Variants in CACHD1 observed in about 807,000 individuals in gnomAD.
CACHD1 encodes the protein VWFA and cache domain-containing protein 1.
Under a neutral mutation model 138.7 loss-of-function variants are expected in CACHD1, and 71 were observed. The ratio of observed to expected loss-of-function variants is 0.51; its 90% CI spans 0.42 to 0.62. CACHD1 has a LOEUF of 0.62. Ranked by LOEUF, CACHD1 falls within the 20% of genes least tolerant of loss-of-function variation. CACHD1 has a pLI of 0.00. For missense variants in CACHD1, 1,389 were observed against 1,625.3 expected (o/e 0.85, Z 2.50); for synonymous variants, 578 against 591.5 (o/e 0.98, Z 0.33).
chr1:64,565,033 G>A (rs1221158967), intron 2 of CACHD1, among the ~76,000 whole-genome samples: 2 of 150,146 alleles, frequency 1.3e-5, no homozygotes, highest in Admixed American at 1.3e-4. Context: ...ATATTTCCAG[G>A]ATCTGGATTT....
At position 64,640,731 on chromosome 1, in the gene CACHD1, ACT is replaced by A. The variant is rs1259111589; in HGVS notation, c.1007-1085_1007-1084del. ...CACACACACACACACACACACACAC[ACT>A]CTCAACATTATATATATATATATAT... On this transcript the variant is annotated intron_variant, in intron 7 of 26. Transcript: ENST00000651257. 4.1e-5 allele frequency among the ~76,000 whole-genome samples: 5 copies of A among 121,170 alleles called. No homozygotes were observed. The East Asian group carries it at 9.3e-4, about 22-fold the overall frequency. 79.5% of individuals were successfully genotyped at this position (121,170 alleles called of 152,430 possible).
chr1:64,505,400 G>A (rs926636252), intron 1 of CACHD1, among the ~76,000 whole-genome samples: 12 of 152,046 alleles, frequency 7.9e-5, no homozygotes, highest in Non-Finnish European at 1.5e-4. Context: ...GGAGGGGAGG[G>A]GACATTCCTC....
intron 26 of CACHD1, 62 bp downstream of exon 26, chr1:64,682,168 G>C: frequency 7.2e-7 from 1 of 1,389,806 alleles, no homozygotes; most frequent in Non-Finnish European, 1.0e-6. Context: ...GTGGGATGAT[G>C]CTCACACCCT....
intron 26 of CACHD1, 50 bp from the exon 27 acceptor site, chr1:64,691,273 G>C (rs367830375): frequency 5.2e-5 from 81 of 1,549,644 alleles, no homozygotes; most frequent in Non-Finnish European, 6.9e-5. Context: ...GAAATCTTCT[G>C]TCTGCGTCTT....
chr1:64,531,495 T>TTGTGTGTG (rs68180558), intron 1 of CACHD1, among the ~76,000 whole-genome samples: 185 of 146,880 alleles, frequency 1.3e-3, no homozygotes, highest in African/African-American at 4.4e-3. Flanking sequence ...ATGAATGTGG[T>TTGTGTGTG]TGTGTGTGTG....
chr1:64,576,040 G>A (rs1646964476), intron 2 of CACHD1, among the ~76,000 whole-genome samples: 2 of 152,158 alleles, frequency 1.3e-5, no homozygotes, highest in Non-Finnish European at 2.9e-5. Context: ...GGGACCGCAC[G>A]CTACCTACTG....
intron 1 of CACHD1, among the ~76,000 whole-genome samples, chr1:64,493,511 T>C (rs1646289923): frequency 6.6e-6 from 1 of 152,210 alleles, no homozygotes; most frequent in Non-Finnish European, 1.5e-5. Flanking sequence ...TATTACCACA[T>C]AGGGAACTAT....
intron 20 of CACHD1, 94 bp from the exon 21 acceptor site, chr1:64,675,803 A>G (rs1416292282): frequency 4.9e-6 from 4 of 815,722 alleles, no homozygotes; most frequent in East Asian, 2.6e-5. Context: ...CTTTTAAACT[A>G]GCTCAGAGCT....
At chr1:64,487,428 G>A (rs1454007209) in intron 1 of CACHD1, among the ~76,000 whole-genome samples, 1 of 152,124 alleles carries the variant, frequency 6.6e-6, no homozygotes, top group Non-Finnish European at 1.5e-5. Flanking sequence ...TGCCAATCAG[G>A]ACCTACTCCT....
chr1:64,680,263 T>C (rs1396551401), intron 24 of CACHD1, among the ~76,000 whole-genome samples: 1 of 151,758 alleles, frequency 6.6e-6, no homozygotes, highest in Non-Finnish European at 1.5e-5. Flanking sequence ...CCGAGGTGGG[T>C]GGATCATTTG....
intron 15 of CACHD1, among the ~76,000 whole-genome samples, chr1:64,665,305 C>G (rs1649593571): frequency 6.6e-6 from 1 of 151,200 alleles, no homozygotes; most frequent in Non-Finnish European, 1.5e-5. Flanking sequence ...AAAAAAAATA[C>G]AAAAATTAGT....
chr1:64,541,086 T>C (rs772234617), intron 1 of CACHD1, among the ~76,000 whole-genome samples: 4 of 152,202 alleles, frequency 2.6e-5, no homozygotes, highest in Admixed American at 6.5e-5. Context: ...TTGTTAATTG[T>C]TGAGAGAAGG....
At chr1:64,611,821 T>C (rs1029695363) in intron 4 of CACHD1, among the ~76,000 whole-genome samples, 1 of 152,242 alleles carries the variant, frequency 6.6e-6, no homozygotes, top group Non-Finnish European at 1.5e-5. Context: ...TTTATAGCAG[T>C]GCCTCGCTAC....
intron 24 of CACHD1, 49 bp from the exon 25 acceptor site, chr1:64,681,209 A>G (rs1405198920): frequency 7.0e-7 from 1 of 1,435,430 alleles, no homozygotes. Flanking sequence ...AAAGCGGGTG[A>G]TTTTGTTTGA....
In CACHD1 at chr1:64,559,956, A is replaced by G. The variant is rs544038676; in HGVS notation, c.261+9300A>G. 2.3e-3 allele frequency among the ~76,000 whole-genome samples: 350 copies of G among 152,128 alleles called. 2 individuals are homozygous for G. The highest frequency in any genetic ancestry group is 3.7e-3 in the Admixed American group (57 of 15,276). ...TGATATTTTAAAAAAGAAATTTGCT[A>G]TTTTCATCTAAGCTGTCAAATTTGT... is the stretch of plus-strand genomic sequence containing the variant. On this transcript the variant is annotated intron_variant, in intron 2 of 26. Coordinates refer to ENST00000651257, the MANE Select transcript of CACHD1 (RefSeq NM_020925.4).
intron 4 of CACHD1, among the ~76,000 whole-genome samples, chr1:64,618,750 C>T (rs1474135224): frequency 6.6e-6 from 1 of 152,152 alleles, no homozygotes; most frequent in African/African-American, 2.4e-5. Flanking sequence ...CAGAACATTA[C>T]TGAGAGGTGC....
Position 64,632,706 on chromosome 1 carries a change from C to T in CACHD1, c.752C>T (p.Ala251Val), listed in dbSNP as rs764589900. 6.2e-7 allele frequency: 1 copy of T among 1,614,166 alleles called. No homozygotes were observed. Among genetic ancestry groups the T allele is most frequent in the Non-Finnish European group, 8.5e-7 (1 of 1,180,020 alleles). ...CAGCTTCAGATTGCCAAGGACGCTG[C>T]TCAGGTCATCCTCAGCGCCATCGAT... Reference protein sequence around the residue: ...DTQLQIAKDAAQVILSAIDEH... With the variant: ...DTQLQIAKDAVQVILSAIDEH... Residue 251 changes from alanine to valine, a missense_variant, in exon 6 of 27, where the codon GCT (alanine) becomes GTT (valine). Physicochemically the swap from Ala to Val is moderately conservative, Grantham distance 64 (BLOSUM62 0). Transcript: ENST00000651257.
At chr1:64,624,162 A>G (rs1250672867) in intron 4 of CACHD1, among the ~76,000 whole-genome samples, 1 of 152,232 alleles carries the variant, frequency 6.6e-6, no homozygotes, top group African/African-American at 2.4e-5. Flanking sequence ...ATCTTCTGCT[A>G]GTACCAAATA....
chr1:64,484,515 C>T (rs1646230855), intron 1 of CACHD1, among the ~76,000 whole-genome samples: 1 of 152,138 alleles, frequency 6.6e-6, no homozygotes, highest in South Asian at 2.1e-4. Context: ...TAGGCGTGGC[C>T]AAAAGTGTAC....
Sources: allele counts gnomAD v4.1 joint callset (sites outside exome capture counted in the v4.1 genomes callset), GRCh38; gene constraint gnomAD v4.1.1; transcripts MANE v1.5; gene names NCBI Gene and HGNC (gene_info 2026-07-23, HGNC 2026-07-21).